Variants in ADAR observed in about 807,000 individuals in gnomAD.
The protein encoded by ADAR is adenosine deaminase RNA specific.
Under a neutral mutation model 113.2 loss-of-function variants are expected in ADAR, and 41 were observed. That is an observed-to-expected ratio of 0.36 (90% confidence interval 0.28 to 0.47). The LOEUF is 0.47. Among genes scored for constraint, ADAR ranks in the 20% least tolerant of loss-of-function variants. The pLI is 1.00. For synonymous variants in ADAR, 605 were observed against 572.6 expected, an observed-to-expected ratio of 1.06 and a Z score of -0.81; for missense variants, 1,242 against 1,540.9, an observed-to-expected ratio of 0.81 and a Z score of 3.25.
At chr1:154,588,087 C>T (rs752123489) in intron 11 of ADAR, 38 bp downstream of exon 11, 6 of 1,612,008 alleles carry the variant, frequency 3.7e-6, no homozygotes, top group Non-Finnish European at 5.1e-6. Flanking sequence ...CCTTGCAGAG[C>T]CTTTTGAGGA....
chr1:154,588,493 T>C (rs946056019), intron 10 of ADAR, 58 bp downstream of exon 10: 34 of 1,606,778 alleles, frequency 2.1e-5, no homozygotes, highest in Non-Finnish European at 2.9e-5. Context: ...AGCATTTGGA[T>C]ACCCAATTCT....
Position 154,587,995 on chromosome 1 carries a change from C to A in ADAR, c.3019+130G>T, listed in dbSNP as rs12748485. ...CACACAGCTCCCTGACCCAGGTCTT[C>A]CCTTTCCTGTAAACAGCACCTCTGT... On this transcript the variant is annotated intron_variant, in intron 11 of 14. Coordinates refer to ENST00000368474, the MANE Select transcript of ADAR (RefSeq NM_001111.5). The A allele has an allele frequency of 2.8e-6, 4 of 1,425,088 alleles. No individual in the cohort carries two copies. In the African/African-American group the frequency reaches 5.6e-5, roughly 20 times the overall value. The allele number at this position is 1,425,088 out of a possible 1,614,324, so 88.3% of individuals were successfully genotyped here. A position where few individuals can be genotyped will look rare whatever the true frequency, so the allele number is the denominator to read the frequency against.
chr1:154,586,224 C>T lies in ADAR; in HGVS notation c.3159G>A (p.Leu1053=), dbSNP rs1159544217. ...GATAAATGGGCTGCAGGAAGTGGGT[C>T]AACAGTGCCCCTTGCAGGCCCAGCA... is the stretch of plus-strand genomic sequence containing the variant. ...WNVLGLQGAL[L]THFLQPIYLK... The change falls in exon 12 of 15, where the codon TTG becomes TTA. Residue 1053 remains leucine, a synonymous_variant. Transcript: ENST00000368474. The T allele has an allele frequency of 1.9e-6, 3 of 1,614,198 alleles. No individual in the cohort carries two copies. The Admixed American group carries it at 5.0e-5, about 27-fold the overall frequency.
chr1:154,588,475 GC>G, intron 10 of ADAR, 75 bp downstream of exon 10: 1 of 1,594,034 alleles, frequency 6.3e-7, no homozygotes, highest in Non-Finnish European at 8.6e-7. Context: ...CGATTTACAG[GC>G]CAGGAGAGCA....
chr1:154,608,460 C>T (rs1229369817), upstream of ADAR, among the ~76,000 whole-genome samples: 1 of 140,384 alleles, frequency 7.1e-6, no homozygotes, highest in Admixed American at 7.3e-5. Flanking sequence ...TACGGAGTAG[C>T]TGGGATTACA....
At chr1:154,599,665 T>C (rs1406908995) in intron 2 of ADAR, among the ~76,000 whole-genome samples, 1 of 152,258 alleles carries the variant, frequency 6.6e-6, no homozygotes, top group Non-Finnish European at 1.5e-5. Context: ...CTACTGGCTC[T>C]TTCCCTGGCT....
At chr1:154,589,236 G>C in intron 9 of ADAR, 133 bp downstream of exon 9, 1 of 753,304 alleles carries the variant, frequency 1.3e-6, no homozygotes, top group Non-Finnish European at 2.3e-6. Context: ...CGGGTGAAAA[G>C]CAAAGGCTGC....
chr1:154,602,049 G>A lies in ADAR; in HGVS notation c.593C>T (p.Ala198Val), dbSNP rs760911897. 43 of 1,613,878 alleles carry A rather than the reference G, an allele frequency of 2.7e-5. No individual in the cohort carries two copies. The South Asian group carries it at 2.9e-4, about 11-fold the overall frequency. Residue 198 changes from alanine to valine, a missense_variant, in exon 2 of 15, where the codon GCG (alanine) becomes GTG (valine). By Grantham distance (64) the Ala-to-Val change is moderately conservative. Transcript: ENST00000368474. ...EAGTPPLWKI[A>V]VSTQAWNQHS... ...CTGGTTCCAAGCCTGAGTGGAGACC[G>A]CGATTTTCCACAAAGGGGGTGTTCC... is the stretch of plus-strand genomic sequence containing the variant.
At chr1:154,614,597 C>T (rs970700679) in intron 1 of ADAR, among the ~76,000 whole-genome samples, 2 of 152,208 alleles carry the variant, frequency 1.3e-5, no homozygotes, top group African/African-American at 4.8e-5. Context: ...TCACCAACAG[C>T]CAATTTGCCG....
In ADAR at chr1:154,597,929, A is replaced by T. The variant is rs752034294; in HGVS notation, c.1833T>A (p.Ser611=). 6.2e-7 allele frequency: 1 copy of T among 1,614,144 alleles called. No homozygotes were observed. The highest frequency in any genetic ancestry group is 8.5e-7 in the Non-Finnish European group (1 of 1,180,016). Residue 611 remains serine, a synonymous_variant, in exon 4 of 15, where the codon TCT becomes TCA. Coordinates refer to ENST00000368474, the MANE Select transcript of ADAR (RefSeq NM_001111.5). Reference sequence around the variant, plus strand: ...GCAGTGTGGTGACGGGGCTCTTCCCAGAAAAGAAGGATGTGGCTGAAGGGG... The same window carrying T: ...GCAGTGTGGTGACGGGGCTCTTCCCTGAAAAGAAGGATGTGGCTGAAGGGG... The part of the protein sequence containing the change: ...TPTPSATSFF[S]GKSPVTTLLE...
chr1:154,584,512 T>A lies in ADAR; in HGVS notation c.*294A>T, dbSNP rs560566237. 2.6e-6 allele frequency: 1 copy of A among 384,894 alleles called. No homozygotes were observed. The highest frequency in any genetic ancestry group is 4.8e-5 in the East Asian group (1 of 20,786). 23.8% of individuals were successfully genotyped at this position (384,894 alleles called of 1,614,324 possible). Reference sequence around the variant, plus strand: ...TCAAAACAAAACTTTTAAGAGGAAATGGACCGCAGGTGCTCAGTGACTATG... The same window carrying A: ...TCAAAACAAAACTTTTAAGAGGAAAAGGACCGCAGGTGCTCAGTGACTATG... On this transcript the variant is annotated 3_prime_UTR_variant, in exon 15 of 15. Transcript: ENST00000368474.
At chr1:154,585,411 C>G in intron 13 of ADAR, 67 bp from the exon 14 acceptor site, 1 of 1,608,864 alleles carries the variant, frequency 6.2e-7, no homozygotes, top group Non-Finnish European at 8.5e-7. Context: ...GAAGCAGGGA[C>G]TCAAGACTCA....
At position 154,585,741 on chromosome 1, in the gene ADAR, G is replaced by C. The variant is rs777554854; in HGVS notation, c.3315+12C>G. On this transcript the variant is annotated intron_variant, in intron 13 of 14. Transcript: ENST00000368474. ...GGAAAATGTCAGGGAAAATAGAAGGGGGTTATAGCACCTTGGGGTGGTTGA... is the reference window on the plus strand; with the variant it reads ...GGAAAATGTCAGGGAAAATAGAAGGCGGTTATAGCACCTTGGGGTGGTTGA... 23 of 1,598,890 alleles carry C rather than the reference G, an allele frequency of 1.4e-5. No individual in the cohort carries two copies. The highest frequency in any genetic ancestry group is 1.8e-5 in the Non-Finnish European group (21 of 1,166,318).
chr1:154,586,062 A>C, intron 12 of ADAR, 119 bp downstream of exon 12: 1 of 1,345,236 alleles, frequency 7.4e-7, no homozygotes, highest in South Asian at 1.2e-5. Flanking sequence ...TCAATTACTG[A>C]GGAGTGAATC....
chr1:154,589,730 G>A (rs200910534), intron 8 of ADAR, 27 bp downstream of exon 8: 405 of 1,613,910 alleles, frequency 2.5e-4, no homozygotes, highest in Middle Eastern at 3.3e-4. Flanking sequence ...CGCCATGGGA[G>A]GCGGCATGTC....
chr1:154,594,272 T>G (rs1002024454), intron 6 of ADAR, among the ~76,000 whole-genome samples: 2 of 152,234 alleles, frequency 1.3e-5, no homozygotes, highest in Non-Finnish European at 2.9e-5. Context: ...AATGGACAAG[T>G]TGGATGCCAA....
intron 11 of ADAR, among the ~76,000 whole-genome samples, chr1:154,587,740 A>G (rs1464702079): frequency 2.0e-5 from 3 of 151,482 alleles, no homozygotes; most frequent in African/African-American, 7.3e-5. Flanking sequence ...TCATCTGTCA[A>G]CTCCTCAGGG....
chr1:154,590,142 C>CCG, intron 7 of ADAR, 42 bp downstream of exon 7: 1 of 809,410 alleles, frequency 1.2e-6, no homozygotes, highest in Non-Finnish European at 2.0e-6. Flanking sequence ...GTTAGGAGGA[C>CCG]CCCCCCGCCC....
At chr1:154,615,727 A>G (rs537235135) in intron 1 of ADAR, among the ~76,000 whole-genome samples, 1 of 152,162 alleles carries the variant, frequency 6.6e-6, no homozygotes, top group African/African-American at 2.4e-5. Context: ...TTTTTTAGTT[A>G]AGCCAAACAG....
Sources: allele counts gnomAD v4.1 joint callset (sites outside exome capture counted in the v4.1 genomes callset), GRCh38; gene constraint gnomAD v4.1.1; transcripts MANE v1.5; gene names NCBI Gene and HGNC (gene_info 2026-07-23, HGNC 2026-07-21).